The following TAFA2 variants were observed in gnomAD, a reference collection of about 807,000 sequenced individuals.
TAFA2 encodes the protein chemokine-like protein TAFA-2.
In TAFA2, 7 loss-of-function variants were observed where a neutral mutation model predicts 18.8. The ratio of observed to expected loss-of-function variants is 0.37; its 90% confidence interval spans 0.21 to 0.70. The LOEUF (loss-of-function observed/expected upper bound fraction) is 0.70. Among genes scored for constraint, TAFA2 ranks in the 30% least tolerant of loss-of-function variants. The pLI is 0.53. For missense variants in TAFA2, 122 were observed against 158.1 expected (o/e 0.77, Z 1.23); for synonymous variants, 60 against 54.2 (o/e 1.11, Z -0.47).
chr12:61,897,797 T>C (rs1875917706), intron 1 of TAFA2, among the ~76,000 whole-genome samples: 2 of 152,180 alleles, frequency 1.3e-5, no homozygotes, highest in Non-Finnish European at 2.9e-5. Context: ...TTTTTTCATT[T>C]CAAAACCTAT....
chr12:62,216,004 C>T (rs2062734433), intron 1 of TAFA2, among the ~76,000 whole-genome samples: 1 of 152,094 alleles, frequency 6.6e-6, no homozygotes, highest in Non-Finnish European at 1.5e-5. Flanking sequence ...TAACAGTTTC[C>T]TCAATCCTTC....
intron 1 of TAFA2, among the ~76,000 whole-genome samples, chr12:61,978,586 G>C (rs1592527053): frequency 6.6e-6 from 1 of 151,944 alleles, no homozygotes; most frequent in East Asian, 1.9e-4. Context: ...CATTAGAACT[G>C]GATTTCCTCT....
chr12:61,763,911 G>A (rs1869671333), intron 2 of TAFA2, among the ~76,000 whole-genome samples: 1 of 151,800 alleles, frequency 6.6e-6, no homozygotes, highest in South Asian at 2.1e-4. Context: ...TGTTTCAATT[G>A]GCCCCCTTTT....
chr12:62,122,693 T>C (rs776961987), intron 1 of TAFA2, among the ~76,000 whole-genome samples: 1 of 152,192 alleles, frequency 6.6e-6, no homozygotes, highest in East Asian at 1.9e-4. Context: ...CAATGAGTGA[T>C]TGATAACATA....
At chr12:61,990,736 C>G (rs1475714153) in intron 1 of TAFA2, among the ~76,000 whole-genome samples, 1 of 152,132 alleles carries the variant, frequency 6.6e-6, no homozygotes, top group Non-Finnish European at 1.5e-5. Flanking sequence ...TAGTGCTTAG[C>G]AAACAATAAA....
At chr12:61,794,771 C>T (rs1208521329) in intron 2 of TAFA2, among the ~76,000 whole-genome samples, 1 of 152,014 alleles carries the variant, frequency 6.6e-6, no homozygotes, top group African/African-American at 2.4e-5. Flanking sequence ...GCAAAAGAAA[C>T]CACCATCAGA....
intron 1 of TAFA2, among the ~76,000 whole-genome samples, chr12:61,993,679 T>C (rs1190679082): frequency 2.6e-5 from 4 of 152,224 alleles, no homozygotes; most frequent in Non-Finnish European, 4.4e-5. Context: ...TTTTCCTTTC[T>C]GTCCATGCTA....
intron 1 of TAFA2, among the ~76,000 whole-genome samples, chr12:62,011,047 G>T: frequency 6.9e-6 from 1 of 145,702 alleles, no homozygotes; most frequent in African/African-American, 2.6e-5. Context: ...TGGGAGGTGG[G>T]GGGCGTCTCT....
intron 2 of TAFA2, among the ~76,000 whole-genome samples, chr12:61,844,138 T>C (rs1040670174): frequency 6.6e-6 from 1 of 152,140 alleles, no homozygotes; most frequent in Admixed American, 6.6e-5. Context: ...ATTTCTGCCC[T>C]GGAACAGGCA....
chr12:61,794,754 C>T (rs948927251), intron 2 of TAFA2, among the ~76,000 whole-genome samples: 3 of 152,096 alleles, frequency 2.0e-5, no homozygotes, highest in Admixed American at 6.6e-5. Flanking sequence ...TAAAGAGCTT[C>T]TGCACAGCAA....
intron 1 of TAFA2, among the ~76,000 whole-genome samples, chr12:62,210,810 A>C (rs1172728100): frequency 6.6e-6 from 1 of 152,202 alleles, no homozygotes; most frequent in East Asian, 1.9e-4. Flanking sequence ...ATGAGATAGA[A>C]CATAATCGTA....
At chr12:61,923,459 T>G (rs1430613492) in intron 1 of TAFA2, among the ~76,000 whole-genome samples, 1 of 152,016 alleles carries the variant, frequency 6.6e-6, no homozygotes, top group Non-Finnish European at 1.5e-5. Flanking sequence ...GTCTCTGGAG[T>G]GGACCTCCAG....
At chr12:62,047,783 C>T (rs764035927) in intron 1 of TAFA2, among the ~76,000 whole-genome samples, 3 of 152,108 alleles carry the variant, frequency 2.0e-5, no homozygotes, top group Non-Finnish European at 2.9e-5. Context: ...CCTCAGTCTA[C>T]CTGCCTTCAA....
rs148341194 is a variant in TAFA2, at chr12:61,751,034, T to C, written c.384+2588A>G. The stretch of plus-strand genomic sequence containing the variant: ...TAATACCAATGATTAAAATAATGAC[T>C]CAAATTTGTTTTCAAAAGTAGTGCT... On this transcript the variant is annotated intron_variant, in intron 4 of 4. Transcript: ENST00000416284. Among the ~76,000 whole-genome samples the C allele has an allele frequency of 5.6e-4, 85 of 152,180 alleles. No homozygotes were observed. The Middle Eastern group carries it at 0.014, about 24-fold the overall frequency.
intron 2 of TAFA2, among the ~76,000 whole-genome samples, chr12:61,861,254 G>A (rs1035331955): frequency 2.5e-4 from 33 of 131,924 alleles, no homozygotes; most frequent in African/African-American, 5.6e-4. Flanking sequence ...GCCTGGCCTC[G>A]CCTTTTTTTT....
At chr12:62,228,048 C>T (rs940952039) in intron 1 of TAFA2, among the ~76,000 whole-genome samples, 42 of 152,130 alleles carry the variant, frequency 2.8e-4, no homozygotes, top group Non-Finnish European at 5.9e-5. Context: ...TATACACATA[C>T]ACATGTATAT....
chr12:62,153,904 G>A (rs2136922502), intron 1 of TAFA2, among the ~76,000 whole-genome samples: 1 of 132,602 alleles, frequency 7.5e-6, no homozygotes, highest in East Asian at 2.2e-4. Context: ...TCTATACACA[G>A]GCATGAACAT....
chr12:62,056,254 C>G (rs573444200), intron 1 of TAFA2, among the ~76,000 whole-genome samples: 5 of 152,168 alleles, frequency 3.3e-5, no homozygotes, highest in Admixed American at 3.3e-4. Context: ...TGCTACATCG[C>G]CAGATATTTA....
At chr12:62,076,035 A>C (rs1183847352) in intron 1 of TAFA2, among the ~76,000 whole-genome samples, 10 of 152,226 alleles carry the variant, frequency 6.6e-5, no homozygotes. Flanking sequence ...AACTGAGCCA[A>C]AATCCACGCC....
Sources: allele counts gnomAD v4.1 joint callset (sites outside exome capture counted in the v4.1 genomes callset), GRCh38; gene constraint gnomAD v4.1.1; transcripts MANE v1.5; gene names NCBI Gene and HGNC (gene_info 2026-07-23, HGNC 2026-07-21).